LDLRAD3: variants seen among roughly 807,000 people sequenced by gnomAD.
The protein encoded by LDLRAD3 is low density lipoprotein receptor class A domain containing 3.
Under a neutral mutation model 29.4 loss-of-function variants are expected in LDLRAD3, and 20 were observed. The observed-to-expected ratio is 0.68, with a 90% CI of 0.48 to 0.99. LDLRAD3 has a LOEUF of 0.99. Ranked by LOEUF, LDLRAD3 falls within the 50% of genes least tolerant of loss-of-function variation. LDLRAD3 has a pLI of 0.00. For missense variants in LDLRAD3, 420 were observed against 454.3 expected, an observed-to-expected ratio of 0.92 and a Z score of 0.69; for synonymous variants, 157 against 192.7, an observed-to-expected ratio of 0.81 and a Z score of 1.53.
At chr11:35,971,111 A>G (rs1328208778) in intron 1 of LDLRAD3, among the ~76,000 whole-genome samples, 6 of 152,118 alleles carry the variant, frequency 3.9e-5, no homozygotes, top group Non-Finnish European at 8.8e-5. Context: ...GGAGATAATG[A>G]AAGGGTGCCA....
intron 4 of LDLRAD3, among the ~76,000 whole-genome samples, chr11:36,185,255 T>TC (rs5791088): frequency 0.048 from 7,377 of 152,252 alleles, 582 homozygotes; most frequent in African/African-American, 0.16. Context: ...ACCTTTGTTC[T>TC]CCCTAGAGTG....
intron 1 of LDLRAD3, among the ~76,000 whole-genome samples, chr11:35,995,206 C>G (rs1387286837): frequency 2.6e-5 from 4 of 152,200 alleles, no homozygotes; most frequent in South Asian, 2.1e-4. Flanking sequence ...CTAAATAAGA[C>G]TTGAAAGTTG....
intron 4 of LDLRAD3, among the ~76,000 whole-genome samples, chr11:36,146,947 A>G (rs12577332): frequency 0.5 from 74,752 of 150,856 alleles, 19,506 homozygotes; most frequent in African/African-American, 0.65. Context: ...ATACTGCCAC[A>G]TGCAGCTAAT....
chr11:36,096,618 A>C (rs1480150415), intron 3 of LDLRAD3, among the ~76,000 whole-genome samples: 3 of 152,120 alleles, frequency 2.0e-5, no homozygotes, highest in Admixed American at 6.5e-5. Flanking sequence ...GGCACTGTAC[A>C]TTTTCCCACG....
chr11:36,221,109 A>ATG (rs1855420314), intron 4 of LDLRAD3, among the ~76,000 whole-genome samples: 1 of 151,768 alleles, frequency 6.6e-6, no homozygotes, highest in Non-Finnish European at 1.5e-5. Flanking sequence ...GCACTTTGGG[A>ATG]TGCTGAGGTG....
chr11:36,024,556 T>C (rs963700109), intron 1 of LDLRAD3, among the ~76,000 whole-genome samples: 2 of 152,196 alleles, frequency 1.3e-5, no homozygotes, highest in African/African-American at 4.8e-5. Flanking sequence ...CCTGAGCTCA[T>C]GCTCTTTTTA....
In LDLRAD3 at chr11:36,149,405, G is replaced by T. The variant is rs144656355; in HGVS notation, c.454+50944G>T. 5.3e-4 allele frequency among the ~76,000 whole-genome samples: 80 copies of T among 152,302 alleles called. 1 individual carries two copies. The highest frequency in any genetic ancestry group is 2.3e-3 in the Admixed American group (35 of 15,308). On this transcript the variant is annotated intron_variant, in intron 4 of 5. Coordinates refer to ENST00000315571, the MANE Select transcript of LDLRAD3 (RefSeq NM_174902.4). ...GTTGGCAGGAAGCAAGAGAAAAAGG[G>T]GAAAGAAAGTATCAGTATGCAGTCG...
rs1312535296 is a variant in LDLRAD3 at position 35,969,871 on chromosome 11, A to C, written c.46+25727A>C. 5.3e-5 allele frequency among the ~76,000 whole-genome samples: 8 copies of C among 152,206 alleles called. No individual in the cohort carries two copies. In the East Asian group the frequency reaches 1.5e-3, roughly 29 times the overall value. On this transcript the variant is annotated intron_variant, in intron 1 of 5. Coordinates refer to ENST00000315571, the MANE Select transcript of LDLRAD3 (RefSeq NM_174902.4). ...GACCCACTGATAAAATATTTACTTC[A>C]GTGACATGGTACCAAGTCCTGCTTT...
intron 4 of LDLRAD3, among the ~76,000 whole-genome samples, chr11:36,157,871 G>T (rs1025644572): frequency 6.6e-6 from 1 of 152,170 alleles, no homozygotes; most frequent in Non-Finnish European, 1.5e-5. Flanking sequence ...ACGGGTAGAT[G>T]CTTCCAGGTT....
At chr11:36,085,444 T>A (rs893515694) in intron 3 of LDLRAD3, among the ~76,000 whole-genome samples, 3 of 152,038 alleles carry the variant, frequency 2.0e-5, no homozygotes, top group Non-Finnish European at 2.9e-5. Flanking sequence ...TCTGAGCTAT[T>A]TGAATCTGTA....
At chr11:36,004,434 C>A (rs1355725598) in intron 1 of LDLRAD3, among the ~76,000 whole-genome samples, 1 of 152,198 alleles carries the variant, frequency 6.6e-6, no homozygotes, top group African/African-American at 2.4e-5. Flanking sequence ...CCAGGGCACA[C>A]CGATGCAAAA....
chr11:35,976,083 GTAGGGTGCTGAAAGGAAGGA>G (rs1274232214), intron 1 of LDLRAD3, among the ~76,000 whole-genome samples: 2 of 152,068 alleles, frequency 1.3e-5, no homozygotes, highest in African/African-American at 2.4e-5. Context: ...TCCTAGGAGT[GTAGGGTGCTGAAAGGAAGGA>G]TAGGGCCTAG....
chr11:36,149,645 G>T (rs142848679), intron 4 of LDLRAD3, among the ~76,000 whole-genome samples: 4 of 152,170 alleles, frequency 2.6e-5, no homozygotes, highest in Non-Finnish European at 5.9e-5. Context: ...TGGTGGCCAG[G>T]GTCTGTGGCT....
rs114654907 is a variant in LDLRAD3, at chr11:36,123,294, G to A, written c.454+24833G>A. On this transcript the variant is annotated intron_variant, in intron 4 of 5. Coordinates refer to ENST00000315571, the MANE Select transcript of LDLRAD3 (RefSeq NM_174902.4). ...TGCTTATTTTTAAATGTAATATGATGTGTGCAACACAAGAGTTGAACCCAG... is the reference window on the plus strand; with the variant it reads ...TGCTTATTTTTAAATGTAATATGATATGTGCAACACAAGAGTTGAACCCAG... 4.4e-3 allele frequency among the ~76,000 whole-genome samples: 675 copies of A among 152,320 alleles called. 7 individuals carry two copies. The highest frequency in any genetic ancestry group is 0.016 in the African/African-American group (655 of 41,570).
At chr11:36,038,296 G>A (rs1288626522) in intron 2 of LDLRAD3, among the ~76,000 whole-genome samples, 7 of 152,180 alleles carry the variant, frequency 4.6e-5, no homozygotes, top group Non-Finnish European at 1.0e-4. Flanking sequence ...TATAACATTA[G>A]TAATCTGAGC....
chr11:36,063,366 A>T (rs888503602), intron 2 of LDLRAD3, among the ~76,000 whole-genome samples: 1 of 152,142 alleles, frequency 6.6e-6, no homozygotes, highest in African/African-American at 2.4e-5. Context: ...AGAACATTTT[A>T]ATCACCCCAG....
chr11:36,177,266 G>C (rs868194172), intron 4 of LDLRAD3, among the ~76,000 whole-genome samples: 3 of 151,908 alleles, frequency 2.0e-5, no homozygotes, highest in Non-Finnish European at 4.4e-5. Flanking sequence ...ACCTTTCTCT[G>C]GTGCCTCCAT....
intron 4 of LDLRAD3, among the ~76,000 whole-genome samples, chr11:36,118,126 C>T (rs906181013): frequency 2.6e-5 from 4 of 152,124 alleles, no homozygotes; most frequent in Admixed American, 2.0e-4. Flanking sequence ...GGAAACTTAA[C>T]ATCCTCCATG....
intron 2 of LDLRAD3, among the ~76,000 whole-genome samples, chr11:36,039,455 C>T (rs536027488): frequency 8.0e-5 from 12 of 150,794 alleles, no homozygotes; most frequent in Admixed American, 6.6e-4. Context: ...CTCCTGGTGC[C>T]TCAATTTCCT....
Sources: gnomAD v4.1 joint callset for allele counts (sites outside exome capture counted in the v4.1 genomes callset) on GRCh38, gnomAD v4.1.1 for gene constraint, MANE v1.5 for transcripts, NCBI Gene and HGNC (gene_info 2026-07-23, HGNC 2026-07-21) for gene names.